NRG3: variants seen among roughly 807,000 people sequenced by gnomAD.
NRG3 encodes the protein neuregulin 3, also known as pro-neuregulin-3, membrane-bound isoform.
A neutral mutation model predicts 66.9 loss-of-function variants in NRG3; 31 were observed. The observed-to-expected ratio is 0.46, with a 90% CI of 0.35 to 0.63. The LOEUF is 0.63. Among genes scored for constraint, NRG3 ranks in the 20% least tolerant of loss-of-function variants. NRG3 has a pLI of 0.00. For synonymous variants in NRG3, 393 were observed against 359.4 expected, an observed-to-expected ratio of 1.09 and a Z score of -1.06; for missense variants, 910 against 878.9, an observed-to-expected ratio of 1.04 and a Z score of -0.45.
rs1029929730 is a variant in NRG3, at chr10:82,749,680, T to A, written c.1027+11030T>A. 3.3e-5 allele frequency among the ~76,000 whole-genome samples: 5 copies of A among 152,298 alleles called. No individual in the cohort carries two copies. The South Asian group carries it at 1.0e-3, about 32-fold the overall frequency. ...CCCTCCACATCCCATATTCATAATTTTTTTTCATGGAAAGCATATGTGGGG... is the reference window on the plus strand; with the variant it reads ...CCCTCCACATCCCATATTCATAATTATTTTTCATGGAAAGCATATGTGGGG... On this transcript the variant is annotated intron_variant, in intron 3 of 8. Transcript: ENST00000372141.
chr10:82,472,165 A>G lies in NRG3; in HGVS notation c.953+113297A>G, dbSNP rs568741827. On this transcript the variant is annotated intron_variant, in intron 2 of 8. Coordinates refer to ENST00000372141, the MANE Select transcript of NRG3 (RefSeq NM_001010848.4). ...ATTCTTAATATCTTTTACCACCTAT[A>G]AAAAGATTGGTCAGTCTTTGAAAAA... 8.5e-5 allele frequency among the ~76,000 whole-genome samples: 13 copies of G among 152,322 alleles called. No individual in the cohort carries two copies. In the East Asian group the frequency reaches 2.1e-3, roughly 25 times the overall value.
At chr10:82,464,873 T>C (rs915530983) in intron 2 of NRG3, among the ~76,000 whole-genome samples, 1 of 152,156 alleles carries the variant, frequency 6.6e-6, no homozygotes, top group Non-Finnish European at 1.5e-5. Flanking sequence ...CAGGAGTGTT[T>C]CCCCCAGCTT....
At chr10:82,732,997 A>G (rs758931016) in intron 2 of NRG3, among the ~76,000 whole-genome samples, 1 of 152,210 alleles carries the variant, frequency 6.6e-6, no homozygotes, top group Non-Finnish European at 1.5e-5. Context: ...TTTTCCTGTA[A>G]CACCAAAGAG....
chr10:82,290,293 A>T (rs1192925579), intron 1 of NRG3, among the ~76,000 whole-genome samples: 1 of 152,214 alleles, frequency 6.6e-6, no homozygotes, highest in Non-Finnish European at 1.5e-5. Context: ...TTATGTTAAA[A>T]TTTCAGCAAT....
intron 2 of NRG3, among the ~76,000 whole-genome samples, chr10:82,520,125 A>G (rs1846053200): frequency 1.3e-5 from 2 of 150,238 alleles, no homozygotes; most frequent in South Asian, 2.1e-4. Flanking sequence ...TCTTGAGAAG[A>G]TGGATTGTCT....
At chr10:82,553,198 G>T (rs147163485) in intron 2 of NRG3, among the ~76,000 whole-genome samples, 1 of 152,000 alleles carries the variant, frequency 6.6e-6, no homozygotes, top group Non-Finnish European at 1.5e-5. Context: ...TGTCCACAGC[G>T]GTCATAATAT....
chr10:81,880,350 T>C (rs146754349), intron 1 of NRG3, among the ~76,000 whole-genome samples: 4,068 of 152,202 alleles, frequency 0.027, 80 homozygotes, highest in Non-Finnish European at 0.04. Flanking sequence ...CAGGATTAAT[T>C]TGTGAATCCA....
chr10:81,958,375 A>C (rs937630550), intron 1 of NRG3, among the ~76,000 whole-genome samples: 1 of 152,232 alleles, frequency 6.6e-6, no homozygotes, highest in Non-Finnish European at 1.5e-5. Context: ...CATGAATGAA[A>C]CATAAGAGAG....
intron 1 of NRG3, among the ~76,000 whole-genome samples, chr10:82,132,494 T>TATATATATGATATATATATC (rs1554831212): frequency 2.3e-5 from 1 of 44,380 alleles, no homozygotes; most frequent in Non-Finnish European, 3.9e-5. Flanking sequence ...ATATATATGA[T>TATATATATGATATATATATC]ATATATATAT....
At chr10:82,049,946 C>T (rs149433598) in intron 1 of NRG3, among the ~76,000 whole-genome samples, 3 of 152,106 alleles carry the variant, frequency 2.0e-5, no homozygotes, top group East Asian at 3.9e-4. Flanking sequence ...GTTGAATTTG[C>T]AGGAATGACT....
At chr10:82,575,268 T>C (rs2045964831) in intron 2 of NRG3, among the ~76,000 whole-genome samples, 1 of 151,620 alleles carries the variant, frequency 6.6e-6, no homozygotes. Context: ...GAATACTGAA[T>C]TTAATCATAA....
chr10:82,017,219 A>G (rs936141875), intron 1 of NRG3, among the ~76,000 whole-genome samples: 1 of 152,190 alleles, frequency 6.6e-6, no homozygotes, highest in African/African-American at 2.4e-5. Flanking sequence ...TTTGCTGAGA[A>G]TGACGGTTTC....
In NRG3 at chr10:82,398,131, G is replaced by C. The variant is rs569430551; in HGVS notation, c.953+39263G>C. Among the ~76,000 whole-genome samples, 11 of 152,168 alleles carry C rather than the reference G, an allele frequency of 7.2e-5. No homozygotes were observed. The South Asian group carries it at 1.9e-3, about 26-fold the overall frequency. On this transcript the variant is annotated intron_variant, in intron 2 of 8. Transcript: ENST00000372141. ...GGCTTGGGCTAGGCTTGCAGGGCTC[G>C]CTGGAGTGGCCCTTGGATCTTAGAA...
At chr10:82,552,842 G>T (rs192050403) in intron 2 of NRG3, among the ~76,000 whole-genome samples, 2 of 152,084 alleles carry the variant, frequency 1.3e-5, no homozygotes, top group Admixed American at 6.6e-5. Context: ...TAGTATATGT[G>T]CCTCATAAGA....
chr10:82,265,642 C>T (rs539170325), intron 1 of NRG3, among the ~76,000 whole-genome samples: 3 of 152,232 alleles, frequency 2.0e-5, no homozygotes, highest in East Asian at 3.9e-4. Context: ...GGCTGGTTAA[C>T]AAACTGAGAA....
rs190549471 is a variant in NRG3 at position 82,951,672 on chromosome 10, G to A, written c.1157+101G>A. ...GTGTGCCACACAGAGGGAACCTGTGGAAATGGGTCTAGCAACAATCTGCAA... is the reference window on the plus strand; with the variant it reads ...GTGTGCCACACAGAGGGAACCTGTGAAAATGGGTCTAGCAACAATCTGCAA... On this transcript the variant is annotated intron_variant, in intron 5 of 8. Coordinates refer to ENST00000372141, the MANE Select transcript of NRG3 (RefSeq NM_001010848.4). The A allele has an allele frequency of 9.7e-3, 9,378 of 970,632 alleles. 60 individuals are homozygous for A. Among genetic ancestry groups the A allele is most frequent in the Non-Finnish European group, 0.013 (7,827 of 624,882 alleles). The allele number at this position is 970,632 out of a possible 1,614,324, so 60.1% of individuals were successfully genotyped here. A position where few individuals can be genotyped will look rare whatever the true frequency, so the allele number is the denominator to read the frequency against.
intron 4 of NRG3, among the ~76,000 whole-genome samples, chr10:82,926,754 G>A (rs1281869490): frequency 2.6e-5 from 4 of 152,140 alleles, no homozygotes; most frequent in Middle Eastern, 3.2e-3. Context: ...TAACTTTGAG[G>A]CCTGGCCTCT....
At chr10:82,583,900 C>A (rs1320416689) in intron 2 of NRG3, among the ~76,000 whole-genome samples, 1 of 152,162 alleles carries the variant, frequency 6.6e-6, no homozygotes, top group South Asian at 2.1e-4. Flanking sequence ...GGCCTTGCAG[C>A]CAAATGAACA....
At chr10:82,690,140 T>C (rs972158011) in intron 2 of NRG3, among the ~76,000 whole-genome samples, 3 of 152,172 alleles carry the variant, frequency 2.0e-5, no homozygotes, top group Admixed American at 1.3e-4. Flanking sequence ...ATAAGCAGAA[T>C]GGGTTACAAT....
Sources: gnomAD v4.1 joint callset for allele counts (sites outside exome capture counted in the v4.1 genomes callset) on GRCh38, gnomAD v4.1.1 for gene constraint, MANE v1.5 for transcripts, NCBI Gene and HGNC (gene_info 2026-07-23, HGNC 2026-07-21) for gene names.